The following NECAB3 variants were observed in gnomAD, a reference collection of about 807,000 sequenced individuals.
NECAB3 encodes the protein N-terminal EF-hand calcium-binding protein 3.
In NECAB3, 38 loss-of-function variants were observed where a neutral mutation model predicts 57.2. The observed-to-expected ratio is 0.66, with a 90% confidence interval of 0.51 to 0.87. The LOEUF (loss-of-function observed/expected upper bound fraction) is 0.87, where lower values mean the gene tolerates loss of function less well. NECAB3 is among the 40% of genes least tolerant of loss of function. NECAB3 has a pLI of 0.00. For synonymous variants in NECAB3, 223 were observed against 222.6 expected, an observed-to-expected ratio of 1.00 and a Z score of -0.02; for missense variants, 474 against 527.5, an observed-to-expected ratio of 0.90 and a Z score of 0.99.
At chr20:33,661,074 T>C (rs1045424929) in intron 5 of NECAB3, among the ~76,000 whole-genome samples, 4 of 152,184 alleles carry the variant, frequency 2.6e-5, no homozygotes, top group Non-Finnish European at 4.4e-5. Flanking sequence ...TCCTGGAGCT[T>C]CCATTTCCTC....
At position 33,674,116 on chromosome 20, in the gene NECAB3, G is replaced by A; in HGVS notation, c.129+108C>T. On this transcript the variant is annotated intron_variant, in intron 1 of 11. Coordinates refer to ENST00000246190, the MANE Select transcript of NECAB3 (RefSeq NM_031232.4). ...CAAGAGAAAACAGCAGGGCCAGAGA[G>A]AGGGGAAGAGACCCAGAAACAGCGG... 5 of 1,124,692 alleles carry A rather than the reference G, an allele frequency of 4.4e-6. No homozygotes were observed. In the African/African-American group the frequency reaches 4.9e-5, roughly 11 times the overall value. The allele number at this position is 1,124,692 out of a possible 1,614,324, so 69.7% of individuals were successfully genotyped here.
At chr20:33,659,396 C>T (rs933235321) in intron 8 of NECAB3, 101 bp downstream of exon 8, 63 of 1,046,748 alleles carry the variant, frequency 6.0e-5, no homozygotes, top group South Asian at 9.4e-5. Context: ...GGGGCACATG[C>T]GCACTGCAGA....
At chr20:33,669,583 C>T in intron 4 of NECAB3, 104 bp downstream of exon 4, 1 of 1,536,624 alleles carries the variant, frequency 6.5e-7, no homozygotes, top group Non-Finnish European at 8.8e-7. Flanking sequence ...ATATCCTGAG[C>T]CCAGCCCAAC....
intron 5 of NECAB3, chr20:33,668,455 C>T (rs1475868937): frequency 1.8e-6 from 1 of 564,348 alleles, no homozygotes; most frequent in East Asian, 3.2e-5. Context: ...CAGAGAATGC[C>T]AGTCCAGCTG....
rs1241872356 is a variant in NECAB3, at chr20:33,667,687, A to C, written c.387+1688T>G. On this transcript the variant is annotated intron_variant, in intron 5 of 11. Transcript: ENST00000246190. ...CCTGCGGGATCTGCTGGTGGCGGCG[A>C]ACCCTGACCTCTTGCAGCAGGCCCT... 54 of 1,611,782 alleles carry C rather than the reference A, an allele frequency of 3.4e-5. No homozygotes were observed. The East Asian group carries it at 1.2e-3, about 35-fold the overall frequency.
chr20:33,666,871 A>C (rs2017669748), intron 5 of NECAB3: 1 of 152,538 alleles, frequency 6.6e-6, no homozygotes, highest in Non-Finnish European at 1.5e-5. Flanking sequence ...TGGCCCGGAC[A>C]GAAGAGGCGG....
intron 5 of NECAB3, chr20:33,663,495 C>A (rs749263681): frequency 1.3e-6 from 2 of 1,584,594 alleles, no homozygotes; most frequent in Non-Finnish European, 1.7e-6. Flanking sequence ...TCGGCCCTAG[C>A]GCGCTCTCCC....
intron 5 of NECAB3, chr20:33,667,361 G>A (rs1456241938): frequency 3.7e-5 from 43 of 1,152,714 alleles, no homozygotes; most frequent in Non-Finnish European, 4.8e-5. Context: ...CTGTGGGAGC[G>A]CCTGCTGGTG....
rs2017907821 is a variant in NECAB3 at position 33,674,418 on chromosome 20, T to A, written c.-66A>T. Reference sequence around the variant, plus strand: ...ACCCTGGACGCCGCGGCGGACTCGGTGTGGCTAGAGGCCGCCCCTTGGCGC... The same window carrying A: ...ACCCTGGACGCCGCGGCGGACTCGGAGTGGCTAGAGGCCGCCCCTTGGCGC... On this transcript the variant is annotated 5_prime_UTR_variant, in exon 1 of 12. Coordinates refer to ENST00000246190, the MANE Select transcript of NECAB3 (RefSeq NM_031232.4). 1.4e-5 allele frequency: 15 copies of A among 1,100,856 alleles called. No homozygotes were observed. Among genetic ancestry groups the A allele is most frequent in the Non-Finnish European group, 1.7e-5 (15 of 904,962 alleles). The allele number at this position is 1,100,856 out of a possible 1,614,324, so 68.2% of individuals were successfully genotyped here.
At position 33,660,354 on chromosome 20, in the gene NECAB3, G is replaced by A; in HGVS notation, c.429C>T (p.Arg143=). The A allele has an allele frequency of 6.2e-7, 1 of 1,613,654 alleles. No homozygotes were observed. Among genetic ancestry groups the A allele is most frequent in the Non-Finnish European group, 8.5e-7 (1 of 1,179,990 alleles). The change falls in exon 6 of 12, where the codon CGC becomes CGT. Residue 143 remains arginine (R), a synonymous_variant. Transcript: ENST00000246190. This position sits in a 1 kb window ranked among gnomAD's most constrained non-coding sequence, Gnocchi z 4.1. ...RASKVDQFVT[R]FLLRETVSQL... ...GGCTCACCGTCTCCCGCAGCAGGAAGCGCGTCACAAACTGGTCCACTTTGG... is the reference window on the plus strand; with the variant it reads ...GGCTCACCGTCTCCCGCAGCAGGAAACGCGTCACAAACTGGTCCACTTTGG...
intron 5 of NECAB3, chr20:33,667,133 G>A: frequency 5.0e-6 from 1 of 200,860 alleles, no homozygotes; most frequent in Non-Finnish European, 1.0e-5. Context: ...TCCTCCCTGG[G>A]CCGCATCGCG....
chr20:33,659,954 G>A lies in NECAB3; in HGVS notation c.574C>T (p.Arg192Trp), dbSNP rs973280903. Residue 192 changes from arginine (R) to tryptophan (W), a missense_variant, in exon 7 of 12, where the codon CGG becomes TGG. Coordinates refer to ENST00000246190, the MANE Select transcript of NECAB3 (RefSeq NM_031232.4). Reference sequence around the variant, plus strand: ...CTCCTCAGGGCTCGGCGTCCTGCCCGCCGGCTGCCGCAGAGCCTGCTCTGC... The same window carrying A: ...CTCCTCAGGGCTCGGCGTCCTGCCCACCGGCTGCCGCAGAGCCTGCTCTGC... Reference protein sequence around the residue: ...EAQSRLCGSRRAGRRALRSVS... With the variant: ...EAQSRLCGSRWAGRRALRSVS... The A allele has an allele frequency of 1.1e-5, 17 of 1,557,288 alleles. No individual in the cohort carries two copies. Among genetic ancestry groups the A allele is most frequent in the African/African-American group, 2.7e-5 (2 of 73,906 alleles).
intron 5 of NECAB3, chr20:33,663,509 TCACGCCC>T: frequency 6.2e-7 from 1 of 1,600,048 alleles, no homozygotes; most frequent in Non-Finnish European, 8.5e-7. Context: ...CTCTCCCGCC[TCACGCCC>T]CTGTTCCACC....
chr20:33,669,012 A>G (rs1477264721), intron 5 of NECAB3: 12 of 277,000 alleles, frequency 4.3e-5, no homozygotes, highest in Non-Finnish European at 6.9e-5. Context: ...CCCAGCCCTG[A>G]ATGATATCCC....
At chr20:33,669,800 C>A in intron 3 of NECAB3, 88 bp from the exon 4 acceptor site, 4 of 1,424,148 alleles carry the variant, frequency 2.8e-6, no homozygotes, top group Non-Finnish European at 3.8e-6. Context: ...ACCCCACCAA[C>A]TCCCAGCTTA....
rs1032146221 is a variant in NECAB3, at chr20:33,660,930, G to C, written c.388-535C>G. Among the ~76,000 whole-genome samples, 2 of 152,024 alleles carry C rather than the reference G, an allele frequency of 1.3e-5. No homozygotes were observed. The highest frequency in any genetic ancestry group is 2.1e-4 in the South Asian group (1 of 4,828). On this transcript the variant is annotated intron_variant, in intron 5 of 11. Transcript: ENST00000246190. The surrounding 1 kb of genome is among the most constrained non-coding windows in gnomAD (Gnocchi z 4.1). The stretch of plus-strand genomic sequence containing the variant: ...CCATTCTCACTCAGACACACACGCC[G>C]GCACTGACCCCAACCGACACTGCCA...
rs1224527841 is a variant in NECAB3, at chr20:33,661,036, A to G, written c.388-641T>C. ...TAGGCCCTGCATGGCCCAGCATGGG[A>G]TTCTGAGGCTCCTCAACAACCGTCA... On this transcript the variant is annotated intron_variant, in intron 5 of 11. Coordinates refer to ENST00000246190, the MANE Select transcript of NECAB3 (RefSeq NM_031232.4). 2.0e-5 allele frequency among the ~76,000 whole-genome samples: 3 copies of G among 152,254 alleles called. No individual in the cohort carries two copies. The East Asian group carries it at 5.8e-4, about 29-fold the overall frequency.
intron 5 of NECAB3, chr20:33,663,732 G>A (rs955633227): frequency 5.9e-5 from 90 of 1,531,994 alleles, no homozygotes; most frequent in Admixed American, 2.4e-4. Flanking sequence ...GGCCGGAAGA[G>A]GGCGGGGCCA....
intron 3 of NECAB3, 55 bp downstream of exon 3, chr20:33,670,627 CAG>C: frequency 7.8e-7 from 1 of 1,274,894 alleles, no homozygotes; most frequent in Non-Finnish European, 1.1e-6. Context: ...GCAGGGGACA[CAG>C]TGGGGTAAAG....
Sources: gnomAD v4.1 joint callset for allele counts (sites outside exome capture counted in the v4.1 genomes callset) on GRCh38, gnomAD v4.1.1 for gene constraint, Gnocchi (gnomAD v3.1) non-coding constraint, MANE v1.5 for transcripts, NCBI Gene and HGNC (gene_info 2026-07-23, HGNC 2026-07-21) for gene names.